Variants in NLRP9 observed in about 807,000 individuals in gnomAD.
NLRP9 encodes the protein NLR family pyrin domain containing 9.
Under a neutral mutation model 83.1 loss-of-function variants are expected in NLRP9, and 88 were observed. That is an observed-to-expected ratio of 1.06 (90% CI 0.89 to 1.26). The LOEUF (loss-of-function observed/expected upper bound fraction) is 1.26, where lower values mean the gene tolerates loss of function less well. NLRP9 is among the 50% of genes most tolerant of loss of function. The pLI is 0.00. For missense variants in NLRP9, 1,308 were observed against 1,179.3 expected (o/e 1.11, Z -1.60); for synonymous variants, 521 against 447.6 (o/e 1.16, Z -2.07).
intron 5 of NLRP9, 75 bp downstream of exon 5, chr19:55,716,653 C>T (rs898828152): frequency 2.0e-5 from 25 of 1,253,698 alleles, no homozygotes; most frequent in African/African-American, 1.3e-4. Context: ...GTGAGCACCG[C>T]GTTGCTTTGA....
chr19:55,717,025 CTCTTTT>C (rs1269082618), intron 4 of NLRP9, 127 bp from the exon 5 acceptor site: 7 of 569,014 alleles, frequency 1.2e-5, no homozygotes, highest in African/African-American at 5.9e-5. Flanking sequence ...ACACTACAGA[CTCTTTT>C]TCTTTTTTTT....
chr19:55,724,914 C>T (rs1210281515), intron 3 of NLRP9, among the ~76,000 whole-genome samples: 1 of 151,898 alleles, frequency 6.6e-6, no homozygotes, highest in African/African-American at 2.4e-5. Flanking sequence ...AAAAAATTAG[C>T]TGGGTATGGT....
rs10711721 is a variant in NLRP9, at chr19:55,723,727, C to CAAAAAA, written c.2159+247_2159+252dup. 2.1e-4 allele frequency among the ~76,000 whole-genome samples: 17 copies of CAAAAAA among 79,802 alleles called. 1 individual carries two copies. Among genetic ancestry groups the CAAAAAA allele is most frequent in the African/African-American group, 5.6e-4 (13 of 23,030 alleles). 52.4% of individuals were successfully genotyped at this position (79,802 alleles called of 152,430 possible). On this transcript the variant is annotated intron_variant, in intron 4 of 8. Transcript: ENST00000332836. ...TGGGCAACAGAGTGAGACCCTGTCT[C>CAAAAAA]AAAAAAAAAAAAAAAAAAAAAAGAA...
chr19:55,735,584 T>C (rs1053935904), intron 1 of NLRP9, among the ~76,000 whole-genome samples: 5 of 152,252 alleles, frequency 3.3e-5, no homozygotes, highest in East Asian at 1.9e-4. Flanking sequence ...AGAATTATAC[T>C]GTATATACTA....
In NLRP9 at chr19:55,733,272, C is replaced by G. The variant is rs1568604287; in HGVS notation, c.559G>C (p.Val187Leu). Residue 187 changes from valine to leucine, a missense_variant, in exon 2 of 9, where the codon GTC becomes CTC. Val to Leu is a conservative substitution (Grantham distance 32, BLOSUM62 1). Transcript: ENST00000332836. ...TCTGCGATACCGTTCATTTCACAGA[C>G]ATTGAGGAAAAACACAAATGTGAAC... ...DRFTFVFFLN[V>L]CEMNGIAETS... is the part of the protein sequence containing the mutation. 6.2e-7 allele frequency: 1 copy of G among 1,614,044 alleles called. No homozygotes were observed. The highest frequency in any genetic ancestry group is 8.5e-7 in the Non-Finnish European group (1 of 1,179,926).
At chr19:55,713,419 C>T (rs997885337) in intron 6 of NLRP9, among the ~76,000 whole-genome samples, 5 of 151,702 alleles carry the variant, frequency 3.3e-5, no homozygotes, top group Non-Finnish European at 7.4e-5. Flanking sequence ...CACGTGTCTA[C>T]CCACACTCAC....
In NLRP9 at chr19:55,732,619, C is replaced by G; in HGVS notation, c.1212G>C (p.Trp404Cys). The G allele has an allele frequency of 6.2e-7, 1 of 1,614,226 alleles. No individual in the cohort carries two copies. Among genetic ancestry groups the G allele is most frequent in the Non-Finnish European group, 8.5e-7 (1 of 1,180,042 alleles). The change falls in exon 2 of 9, where the codon TGG (tryptophan) becomes TGC (cysteine). Residue 404 changes from tryptophan (W) to cysteine (C), a missense_variant. Physicochemically the swap from Trp to Cys is radical, Grantham distance 215. Coordinates refer to ENST00000332836, the MANE Select transcript of NLRP9 (RefSeq NM_176820.4). ...CATGGGAAAATACAAATGTATATGT[C>G]CAAATTCCCTCTGCAGCCAAAGCAC... The part of the protein sequence containing the change: ...SLCALAAEGI[W>C]TYTFVFSHGD...
At chr19:55,718,238 T>A (rs558902878) in intron 4 of NLRP9, among the ~76,000 whole-genome samples, 1 of 152,062 alleles carries the variant, frequency 6.6e-6, no homozygotes, top group Non-Finnish European at 1.5e-5. Flanking sequence ...GTCCAAGGTT[T>A]CCCCCACTGA....
chr19:55,725,754 C>T (rs1304649234), intron 3 of NLRP9, among the ~76,000 whole-genome samples: 4 of 152,078 alleles, frequency 2.6e-5, no homozygotes, highest in Admixed American at 1.3e-4. Flanking sequence ...AGGCCGGGCG[C>T]GGTGGCTCCC....
Position 55,732,962 on chromosome 19 carries a change from G to C in NLRP9, c.869C>G (p.Pro290Arg), listed in dbSNP as rs767902058. The C allele has an allele frequency of 6.2e-7, 1 of 1,614,112 alleles. No individual in the cohort carries two copies. The highest frequency in any genetic ancestry group is 1.1e-5 in the South Asian group (1 of 91,070). The stretch of plus-strand genomic sequence containing the variant: ...GAATCCTAAGAGCTTTATGAGTTTT[G>C]GATGCCGCAACATAAAATAGTGTTT... The part of the protein sequence containing the change: ...MQKHYFMLRH[P>R]KLIKLLGFSE... Residue 290 changes from proline to arginine, a missense_variant, in exon 2 of 9, where the codon CCA becomes CGA. Pro to Arg is a moderately radical substitution (Grantham distance 103). Coordinates refer to ENST00000332836, the MANE Select transcript of NLRP9 (RefSeq NM_176820.4).
chr19:55,716,295 G>C (rs1489857690), intron 5 of NLRP9, among the ~76,000 whole-genome samples: 2 of 118,122 alleles, frequency 1.7e-5, no homozygotes, highest in African/African-American at 6.7e-5. Flanking sequence ...ATCTTGCTCT[G>C]TCTCCCAGGC....
intron 6 of NLRP9, among the ~76,000 whole-genome samples, chr19:55,713,590 T>TCCTCCTCCTCTCCC (rs1987865195): frequency 6.3e-5 from 2 of 31,516 alleles, no homozygotes; most frequent in South Asian, 1.3e-3. Context: ...CCTCCTCCCC[T>TCCTCCTCCTCTCCC]CCTCCTCCTC....
chr19:55,735,585 G>A (rs1988763385), intron 1 of NLRP9, among the ~76,000 whole-genome samples: 1 of 152,064 alleles, frequency 6.6e-6, no homozygotes, highest in African/African-American at 2.4e-5. Flanking sequence ...GAATTATACT[G>A]TATATACTAT....
At chr19:55,734,645 T>C (rs1238400894) in intron 1 of NLRP9, among the ~76,000 whole-genome samples, 1 of 150,090 alleles carries the variant, frequency 6.7e-6, no homozygotes, top group African/African-American at 2.4e-5. Flanking sequence ...ATATTTTTTT[T>C]TTTTTTGAGA....
Position 55,733,419 on chromosome 19 carries a change from C to T in NLRP9, c.412G>A (p.Ala138Thr), listed in dbSNP as rs536626932. 1.9e-6 allele frequency: 3 copies of T among 1,613,804 alleles called. No homozygotes were observed. Among genetic ancestry groups the T allele is most frequent in the South Asian group, 1.1e-5 (1 of 91,060 alleles). Residue 138 changes from alanine to threonine, a missense_variant, in exon 2 of 9, where the codon GCA (alanine) becomes ACA (threonine). Transcript: ENST00000332836. Reference protein sequence around the residue: ...MKNEYKELNDAYTAAARRHTV... With the variant: ...MKNEYKELNDTYTAAARRHTV... ...TGTCGTCTAGCCGCAGCAGTATATG[C>T]GTCATTCAATTCTTTATACTCATTT... is the stretch of plus-strand genomic sequence containing the variant.
intron 1 of NLRP9, chr19:55,737,734 T>TAAAAAAA (rs57736610): frequency 3.0e-4 from 24 of 80,292 alleles, no homozygotes; most frequent in Admixed American, 8.3e-4. Flanking sequence ...ACCCTTTCTC[T>TAAAAAAA]AAAAAAAAAA....
At position 55,729,826 on chromosome 19, in the gene NLRP9, C is replaced by G; in HGVS notation, c.1994+5G>C. 6.2e-7 allele frequency: 1 copy of G among 1,608,690 alleles called. No individual in the cohort carries two copies. Among genetic ancestry groups the G allele is most frequent in the South Asian group, 1.1e-5 (1 of 90,458 alleles). On this transcript the variant is annotated splice_donor_5th_base_variant and intron_variant, in intron 3 of 8. Coordinates refer to ENST00000332836, the MANE Select transcript of NLRP9 (RefSeq NM_176820.4). ...GCTTAAAGGACAGGTTAACATAAAA[C>G]TTACATGAGTTTTCGGAGTTTACAA...
chr19:55,712,008 T>C, intron 7 of NLRP9, 38 bp from the exon 8 acceptor site: 1 of 1,599,288 alleles, frequency 6.3e-7, no homozygotes, highest in Non-Finnish European at 8.6e-7. Context: ...CCACTCTAGC[T>C]TTGGGTAGGC....
intron 5 of NLRP9, among the ~76,000 whole-genome samples, chr19:55,715,768 A>G (rs1030628522): frequency 6.6e-6 from 1 of 151,468 alleles, no homozygotes; most frequent in East Asian, 1.9e-4. Context: ...CCAACAAACA[A>G]TCTCAGATTC....
Sources: allele counts gnomAD v4.1 joint callset (sites outside exome capture counted in the v4.1 genomes callset), GRCh38; gene constraint gnomAD v4.1.1; transcripts MANE v1.5; gene names NCBI Gene and HGNC (gene_info 2026-07-23, HGNC 2026-07-21).